MYH11: variants seen among roughly 807,000 people sequenced by gnomAD.
MYH11 encodes myosin-11.
MYH11 carries 80 observed loss-of-function variants against 246.6 expected under a neutral mutation model. The ratio of observed to expected loss-of-function variants is 0.32; its 90% CI spans 0.27 to 0.39. The LOEUF (loss-of-function observed/expected upper bound fraction) is 0.39. MYH11 is among the 10% of genes least tolerant of loss of function. The probability of loss-of-function intolerance (pLI) is 1.00; values close to 1 mark genes in which losing one functional copy is unlikely to be tolerated. For missense variants in MYH11, 2,158 were observed against 2,546.8 expected (o/e 0.85, Z 3.29); for synonymous variants, 1,071 against 1,015.5 (o/e 1.05, Z -1.04).
At chr16:15,725,079 T>C in intron 28 of MYH11, 87 bp from the exon 29 acceptor site, 1 of 1,077,826 alleles carries the variant, frequency 9.3e-7, no homozygotes, top group East Asian at 2.5e-5. Context: ...ACACATGGGC[T>C]AGTACTTGAG....
At chr16:15,764,880 G>A (rs1179356290) in intron 9 of MYH11, among the ~76,000 whole-genome samples, 1 of 152,228 alleles carries the variant, frequency 6.6e-6, no homozygotes, top group Non-Finnish European at 1.5e-5. Flanking sequence ...ATGTTGGGAT[G>A]AAGAAGATAT....
chr16:15,719,579 C>CT lies in MYH11; in HGVS notation c.5082+5dup. On this transcript the variant is annotated splice_donor_region_variant and intron_variant, in intron 35 of 40. Coordinates refer to ENST00000300036, the MANE Select transcript of MYH11 (RefSeq NM_002474.3). ...CTGAGGCTCTCCTAGCAAGGCGAGG[C>CT]TTTACCTCTTGTAGCTGCATGAGGT... 6.2e-7 allele frequency: 1 copy of CT among 1,614,092 alleles called. No individual in the cohort carries two copies. The highest frequency in any genetic ancestry group is 2.2e-5 in the East Asian group (1 of 44,882).
chr16:15,841,543 A>C (rs984981019), intron 1 of MYH11, among the ~76,000 whole-genome samples: 3 of 152,202 alleles, frequency 2.0e-5, no homozygotes, highest in Admixed American at 1.3e-4. Context: ...CTAAATTAAG[A>C]AGGGGAAGTC....
chr16:15,748,463 A>G lies in MYH11; in HGVS notation c.2059-295T>C, dbSNP rs880070. Among the ~76,000 whole-genome samples, 8,891 of 152,084 alleles carry G rather than the reference A, an allele frequency of 0.058. 891 individuals carry two copies. Among genetic ancestry groups the G allele is most frequent in the African/African-American group, 0.2 (8,378 of 41,446 alleles). ...ACCTCGTCTCCCTCACTTCCTGTCC[A>G]TCAGCAGTTTGATTGCTTCTAGCTC... On this transcript the variant is annotated intron_variant, in intron 16 of 40. Coordinates refer to ENST00000300036, the MANE Select transcript of MYH11 (RefSeq NM_002474.3).
chr16:15,752,531 C>T (rs1383707041), intron 15 of MYH11, among the ~76,000 whole-genome samples: 1 of 152,140 alleles, frequency 6.6e-6, no homozygotes, highest in Non-Finnish European at 1.5e-5. Context: ...TCCCTGGCCC[C>T]AGACCTGCAG....
At chr16:15,855,281 C>T (rs1054123677) in intron 1 of MYH11, among the ~76,000 whole-genome samples, 1 of 152,194 alleles carries the variant, frequency 6.6e-6, no homozygotes, top group Non-Finnish European at 1.5e-5. Flanking sequence ...TAGGTCACCC[C>T]CTCAATCAGG....
At chr16:15,717,021 C>T in intron 38 of MYH11, 119 bp downstream of exon 38, 1 of 1,104,172 alleles carries the variant, frequency 9.1e-7, no homozygotes, top group African/African-American at 1.5e-5. Context: ...CTGTAGGCAT[C>T]ACAGAGCTTG....
intron 1 of MYH11, among the ~76,000 whole-genome samples, chr16:15,841,469 A>G (rs374765146): frequency 1.6e-3 from 239 of 152,296 alleles, no homozygotes; most frequent in Non-Finnish European, 2.9e-3. Flanking sequence ...TGGGTACAGA[A>G]AGTGGGGTGG....
chr16:15,786,926 A>G (rs1051909521), intron 4 of MYH11, among the ~76,000 whole-genome samples, 194 bp from the exon 5 acceptor site: 1 of 152,240 alleles, frequency 6.6e-6, no homozygotes, highest in African/African-American at 2.4e-5. Flanking sequence ...CCTAGGTCCA[A>G]TGCCCAATCT....
At position 15,721,455 on chromosome 16, in the gene MYH11, G is replaced by C. The variant is rs2040477564; in HGVS notation, c.4545C>G (p.Asp1515Glu). The change falls in exon 32 of 41, where the codon GAC (aspartate) becomes GAG (glutamate). Residue 1515 changes from aspartate (D) to glutamate (E), a missense_variant. Physicochemically the swap from Asp to Glu is conservative, Grantham distance 45 (BLOSUM62 2). This residue lies in a region of MYH11 where 1,013 missense variants were observed against 993.5 expected (regional missense o/e 1.02). Transcript: ENST00000300036. ...TNKMLKAEME[D>E]LVSSKDDVGK... ...CCACGTCATCCTTGGAGCTGACCAG[G>C]TCTTCCATTTCGGCTTTGAGCATTT... 1 of 1,614,056 alleles carries C rather than the reference G, an allele frequency of 6.2e-7. No homozygotes were observed. The highest frequency in any genetic ancestry group is 8.5e-7 in the Non-Finnish European group (1 of 1,180,052).
chr16:15,783,372 G>C (rs985373259), intron 5 of MYH11: 2 of 152,260 alleles, frequency 1.3e-5, no homozygotes, highest in Admixed American at 1.3e-4. Flanking sequence ...CAGGAGCCGG[G>C]AAAGTGTCTA....
intron 27 of MYH11, among the ~76,000 whole-genome samples, chr16:15,730,839 A>AT (rs1471587877): frequency 6.6e-6 from 1 of 152,188 alleles, no homozygotes; most frequent in African/African-American, 2.4e-5. Flanking sequence ...AGCACCCAAG[A>AT]TTCAGCATTC....
At position 15,757,763 on chromosome 16, in the gene MYH11, C is replaced by T. The variant is rs535730120; in HGVS notation, c.1575+64G>A. On this transcript the variant is annotated intron_variant, in intron 13 of 40. Transcript: ENST00000300036. ...GGGGAGAGTGTGGGGTCCACGTCGG[C>T]TCCACAGAGGCCACACACGTGTACA... The T allele has an allele frequency of 2.0e-5, 32 of 1,608,724 alleles. No individual in the cohort carries two copies. In the African/African-American group the frequency reaches 4.0e-4, roughly 20 times the overall value.
chr16:15,831,351 T>C (rs1203718258), intron 2 of MYH11, among the ~76,000 whole-genome samples: 1 of 152,118 alleles, frequency 6.6e-6, no homozygotes, highest in African/African-American at 2.4e-5. Context: ...CAAAAACATA[T>C]TTGAAGTCTG....
At chr16:15,774,396 A>G (rs2042173394) in intron 8 of MYH11, among the ~76,000 whole-genome samples, 1 of 152,224 alleles carries the variant, frequency 6.6e-6, no homozygotes, top group African/African-American at 2.4e-5. Flanking sequence ...CCAAACAACC[A>G]AACTGTTTTC....
intron 10 of MYH11, among the ~76,000 whole-genome samples, chr16:15,761,674 G>A (rs1305219764): frequency 6.6e-6 from 1 of 152,174 alleles, no homozygotes; most frequent in African/African-American, 2.4e-5. Flanking sequence ...TGCTTTGCAT[G>A]TGCAAGGCAG....
At chr16:15,786,029 G>A (rs1178237837) in intron 5 of MYH11, 3 of 232,024 alleles carry the variant, frequency 1.3e-5, no homozygotes, top group African/African-American at 6.8e-5. Flanking sequence ...TGAAGCCCAC[G>A]GGCCGAGTGA....
intron 37 of MYH11, chr16:15,717,568 G>A: frequency 1.7e-6 from 1 of 599,972 alleles, no homozygotes; most frequent in Middle Eastern, 4.4e-4. Context: ...GCAGAGGCAG[G>A]TAAATCACTT....
Position 15,745,247 on chromosome 16 carries a change from G to C in MYH11, c.2412-10C>G, listed in dbSNP as rs2041385623. The stretch of plus-strand genomic sequence containing the variant: ...CCTCTTGGCAAAAGCCCTAGGGAGG[G>C]GGGAAGAGAAGGTGCGGGGGTCATG... On this transcript the variant is annotated splice_polypyrimidine_tract_variant and intron_variant, in intron 19 of 40. Transcript: ENST00000300036. 8 of 1,610,088 alleles carry C rather than the reference G, an allele frequency of 5.0e-6. No individual in the cohort carries two copies. In the East Asian group the frequency reaches 1.6e-4, roughly 31 times the overall value.
Sources: gnomAD v4.1 joint callset for allele counts (sites outside exome capture counted in the v4.1 genomes callset) on GRCh38, gnomAD v4.1.1 for gene constraint, gnomAD v4.1.1 regional missense constraint, MANE v1.5 for transcripts, NCBI Gene and HGNC (gene_info 2026-07-23, HGNC 2026-07-21) for gene names.